Variants in SQSTM1 observed in about 807,000 individuals in gnomAD.
SQSTM1 encodes sequestosome-1.
A neutral mutation model predicts 45.1 loss-of-function variants in SQSTM1; 36 were observed. The observed-to-expected ratio is 0.80, with a 90% CI of 0.61 to 1.05. SQSTM1 has a LOEUF of 1.05. Among genes scored for constraint, SQSTM1 ranks in the 50% least tolerant of loss-of-function variants. SQSTM1 has a pLI of 0.00. For missense variants in SQSTM1, 617 were observed against 607.1 expected (o/e 1.02, Z -0.17); for synonymous variants, 290 against 244.3 (o/e 1.19, Z -1.74).
At chr5:179,827,200 T>C (rs1758029465) in intron 5 of SQSTM1, among the ~76,000 whole-genome samples, 1 of 111,292 alleles carries the variant, frequency 9.0e-6, no homozygotes, top group Non-Finnish European at 1.9e-5. Context: ...GCCCAGGTGC[T>C]TGGGGTCACA....
rs750040585 is a variant in SQSTM1, at chr5:179,806,455, CCAGGTGCGG to C, written c.-292_-284del. 4 of 1,218,346 alleles carry C rather than the reference CCAGGTGCGG, an allele frequency of 3.3e-6. No individual in the cohort carries two copies. Among genetic ancestry groups the C allele is most frequent in the Middle Eastern group, 2.5e-4 (1 of 4,034 alleles). The allele number at this position is 1,218,346 out of a possible 1,614,324, so 75.5% of individuals were successfully genotyped here. Reference sequence around the variant, plus strand: ...CTCCCGCCGCCGACGCCCAGGTGCGCCAGGTGCGGGCCGGGCGGGGGTCGCGCTCACCTT... The same window carrying C: ...CTCCCGCCGCCGACGCCCAGGTGCGCGCCGGGCGGGGGTCGCGCTCACCTT... On this transcript the variant is annotated 5_prime_UTR_variant, in exon 1 of 6. Transcript: ENST00000514093. The surrounding 1 kb of genome is among the most constrained non-coding windows in gnomAD (Gnocchi z 4.6).
chr5:179,822,466 A>C, intron 1 of SQSTM1: 1 of 254,740 alleles, frequency 3.9e-6, no homozygotes, highest in Non-Finnish European at 7.9e-6. Context: ...CTACATACAA[A>C]TACGTGTCTT....
chr5:179,837,627 T>C lies in SQSTM1; in HGVS notation c.*1034T>C, dbSNP rs1758655979. On this transcript the variant is annotated 3_prime_UTR_variant, in exon 8 of 8. Coordinates refer to ENST00000389805, the MANE Select transcript of SQSTM1 (RefSeq NM_003900.5). ...TCTCTTGAGGCCTGTGCTCTGGGGG[T>C]CCCTTGCTTAGCCTGTGCTGGACCA... is the stretch of plus-strand genomic sequence containing the variant. The C allele has an allele frequency of 6.2e-7, 1 of 1,614,034 alleles. No homozygotes were observed. Among genetic ancestry groups the C allele is most frequent in the Non-Finnish European group, 8.5e-7 (1 of 1,180,006 alleles).
In SQSTM1 at chr5:179,837,845, C is replaced by A; in HGVS notation, c.*1252C>A. The A allele has an allele frequency of 3.1e-6, 5 of 1,611,158 alleles. No homozygotes were observed. The South Asian group carries it at 3.3e-5, about 11-fold the overall frequency. On this transcript the variant is annotated 3_prime_UTR_variant, in exon 8 of 8. Coordinates refer to ENST00000389805, the MANE Select transcript of SQSTM1 (RefSeq NM_003900.5). ...TGCAGAGTTCTCCTGGAGGCAGGGGCTGCTGCCTTGTTTCACCTTCCATGT... is the reference window on the plus strand; with the variant it reads ...TGCAGAGTTCTCCTGGAGGCAGGGGATGCTGCCTTGTTTCACCTTCCATGT...
chr5:179,812,987 C>T (rs1195617500), intron 2 of SQSTM1: 4 of 9,088 alleles, frequency 4.4e-4, no homozygotes, highest in Non-Finnish European at 7.9e-4. Context: ...AAACATGGTC[C>T]CCCCCCCCCC....
chr5:179,836,147 AAT>A, intron 7 of SQSTM1: 1 of 544,516 alleles, frequency 1.8e-6, no homozygotes, highest in Middle Eastern at 5.0e-4. Flanking sequence ...TACATTTTAA[AAT>A]CAAAAGATGT....
At chr5:179,822,897 A>G (rs749654387) in intron 1 of SQSTM1, 61 bp from the exon 2 acceptor site, 10 of 1,450,702 alleles carry the variant, frequency 6.9e-6, no homozygotes, top group Non-Finnish European at 9.7e-6. Context: ...AGCCCATTCC[A>G]GCAGCTTATG....
chr5:179,836,057 T>C (rs1013831859), intron 7 of SQSTM1: 5 of 349,734 alleles, frequency 1.4e-5, no homozygotes, highest in African/African-American at 8.3e-5. Flanking sequence ...TCCATTCATC[T>C]CTCTCCATCT....
chr5:179,819,322 C>G (rs1229160986), upstream of SQSTM1, among the ~76,000 whole-genome samples: 3 of 29,590 alleles, frequency 1.0e-4, no homozygotes, highest in Non-Finnish European at 2.0e-4. Flanking sequence ...CTTCTCCCCT[C>G]CCCGCCCCCC....
intron 1 of SQSTM1, 130 bp from the exon 2 acceptor site, chr5:179,822,828 G>A (rs1402147071): frequency 2.5e-6 from 2 of 797,332 alleles, no homozygotes; most frequent in Non-Finnish European, 4.3e-6. Flanking sequence ...CCTGCCCTCT[G>A]TGGCTCAAGT....
Position 179,833,814 on chromosome 5 carries a change from C to G in SQSTM1, c.1165+32C>G, listed in dbSNP as rs750412858. The G allele has an allele frequency of 3.1e-6, 5 of 1,611,048 alleles. No individual in the cohort carries two copies. In the East Asian group the frequency reaches 1.1e-4, roughly 36 times the overall value. ...GAACCAAGAGGTTTTGTACATATTCCTACCTTTCCCTTTAGAGCATCCTGC... is the reference window on the plus strand; with the variant it reads ...GAACCAAGAGGTTTTGTACATATTCGTACCTTTCCCTTTAGAGCATCCTGC... On this transcript the variant is annotated intron_variant, in intron 7 of 7. Transcript: ENST00000389805.
intron 1 of SQSTM1, among the ~76,000 whole-genome samples, chr5:179,808,686 C>G (rs1407041936): frequency 6.6e-6 from 1 of 151,976 alleles, no homozygotes; most frequent in African/African-American, 2.4e-5. Context: ...GGTGTGGTGG[C>G]TCATGCCTGT....
rs1758618870 is a variant in SQSTM1, at chr5:179,837,271, A to T, written c.*678A>T. The T allele has an allele frequency of 6.8e-6, 11 of 1,606,112 alleles. No homozygotes were observed. The South Asian group carries it at 1.2e-4, about 18-fold the overall frequency. ...TTTAACCAATGACGTTTGCATAGAG[A>T]GAAATGATTGACAGTAAGTTTATTG... On this transcript the variant is annotated 3_prime_UTR_variant, in exon 8 of 8. Transcript: ENST00000389805.
Position 179,824,212 on chromosome 5 carries a change from G to A in SQSTM1, c.562G>A (p.Val188Met), listed in dbSNP as rs371832577. ...CTCGCACAGCCGCTGGCTCCGGAAG[G>A]TGAAACACGGACACTTCGGGTGGCC... The part of the protein sequence containing the change: ...GFSHSRWLRK[V>M]KHGHFGWPGW... Residue 188 changes from valine to methionine, a missense_variant, in exon 4 of 8, where the codon GTG becomes ATG. Coordinates refer to ENST00000389805, the MANE Select transcript of SQSTM1 (RefSeq NM_003900.5). 6.8e-6 allele frequency: 11 copies of A among 1,613,894 alleles called. No individual in the cohort carries two copies. The East Asian group carries it at 2.2e-4, about 33-fold the overall frequency.
rs1582003580 is a variant in SQSTM1, at chr5:179,821,279, G to A, written c.205+138G>A. ...TGCGCTGGCTGCTCCCTGGATGGCG[G>A]TGGCCTGCATGGGTCCCCAGTTCGG... On this transcript the variant is annotated intron_variant, in intron 1 of 7. Coordinates refer to ENST00000389805, the MANE Select transcript of SQSTM1 (RefSeq NM_003900.5). 3.3e-6 allele frequency: 3 copies of A among 922,696 alleles called. No individual in the cohort carries two copies. The East Asian group carries it at 1.0e-4, about 32-fold the overall frequency. 57.2% of individuals were successfully genotyped at this position (922,696 alleles called of 1,614,324 possible).
upstream of SQSTM1, among the ~76,000 whole-genome samples, chr5:179,815,006 A>G (rs776032773): frequency 6.6e-6 from 1 of 152,236 alleles, no homozygotes; most frequent in Non-Finnish European, 1.5e-5. Flanking sequence ...CAGAAAGTAC[A>G]ATCAACAGGA....
chr5:179,824,067 C>G lies in SQSTM1; in HGVS notation c.511C>G (p.Pro171Ala), dbSNP rs747322992. 1 of 1,613,930 alleles carries G rather than the reference C, an allele frequency of 6.2e-7. No homozygotes were observed. Among genetic ancestry groups the G allele is most frequent in the Non-Finnish European group, 8.5e-7 (1 of 1,180,040 alleles). The change falls in exon 3 of 8, where the codon CCC becomes GCC. Residue 171 changes from proline to alanine, a missense_variant. Pro to Ala is a conservative substitution (Grantham distance 27, BLOSUM62 -1). Transcript: ENST00000389805. ...RGHTKLAFPS[P>A]FGHLSEGFSH... is the part of the protein sequence containing the mutation. ...GCACACCAAGCTCGCATTCCCCAGC[C>G]CCTTCGGGCACCTGTCTGAGGTGAG... is the stretch of plus-strand genomic sequence containing the variant.
chr5:179,815,394 G>C (rs1195522242), upstream of SQSTM1, among the ~76,000 whole-genome samples: 4 of 152,050 alleles, frequency 2.6e-5, no homozygotes, highest in East Asian at 1.9e-4. Flanking sequence ...CCCAGCCTGG[G>C]CAACAGAGCA....
chr5:179,815,939 A>G (rs1757563508), upstream of SQSTM1, among the ~76,000 whole-genome samples: 1 of 152,138 alleles, frequency 6.6e-6, no homozygotes, highest in African/African-American at 2.4e-5. Flanking sequence ...GGGCAGGGAC[A>G]GGCACAGAAC....
Sources: allele counts gnomAD v4.1 joint callset (sites outside exome capture counted in the v4.1 genomes callset), GRCh38; gene constraint gnomAD v4.1.1; non-coding constraint Gnocchi (gnomAD v3.1); transcripts MANE v1.5; gene names NCBI Gene and HGNC (gene_info 2026-07-23, HGNC 2026-07-21).